Variants in NAV2 observed in about 807,000 individuals in gnomAD.
NAV2 encodes the protein helicase, APC down-regulated 1.
In NAV2, 54 loss-of-function variants were observed where a neutral mutation model predicts 223.2. The ratio of observed to expected loss-of-function variants is 0.24; its 90% CI spans 0.19 to 0.30. The LOEUF (loss-of-function observed/expected upper bound fraction) is 0.30. Among genes scored for constraint, NAV2 ranks in the 10% least tolerant of loss-of-function variants. The pLI is 1.00. For missense variants in NAV2, 2,806 were observed against 3,147.5 expected, an observed-to-expected ratio of 0.89 and a Z score of 2.60; for synonymous variants, 1,279 against 1,239.3, an observed-to-expected ratio of 1.03 and a Z score of -0.67.
At chr11:19,797,582 A>G (rs1473809391) in intron 1 of NAV2, among the ~76,000 whole-genome samples, 11 of 152,114 alleles carry the variant, frequency 7.2e-5, no homozygotes, top group Non-Finnish European at 1.5e-5. Flanking sequence ...CTGACCAGAG[A>G]TACTCTGGTC....
chr11:19,738,571 C>T (rs983820653), intron 1 of NAV2, among the ~76,000 whole-genome samples: 2 of 152,202 alleles, frequency 1.3e-5, no homozygotes, highest in Admixed American at 6.5e-5. Flanking sequence ...ACCCCGCCCC[C>T]AGTATCCTGA....
At chr11:19,596,372 G>A (rs1173374952) in intron 1 of NAV2, among the ~76,000 whole-genome samples, 1 of 152,240 alleles carries the variant, frequency 6.6e-6, no homozygotes, top group Non-Finnish European at 1.5e-5. Context: ...ATCTTGGGCT[G>A]TGACCTTCAA....
At chr11:19,552,560 G>A (rs1261633170) in intron 1 of NAV2, among the ~76,000 whole-genome samples, 1 of 152,064 alleles carries the variant, frequency 6.6e-6, no homozygotes, top group Non-Finnish European at 1.5e-5. Flanking sequence ...TCCCATTTGG[G>A]TCAAAGAACA....
rs1267324926 is a variant in NAV2 at position 20,120,423 on chromosome 11, CT to C, written c.*2166del. 6.6e-6 allele frequency: 1 copy of C among 152,580 alleles called. No individual in the cohort carries two copies. 9.5% of individuals were successfully genotyped at this position (152,580 alleles called of 1,614,324 possible). ...AGCCTGTGACCAGGGGGGCCAAACC[CT>C]AAGATTTCTGGTAAACCTGAAGGGT... On this transcript the variant is annotated 3_prime_UTR_variant, in exon 38 of 38. Transcript: ENST00000349880.
intron 1 of NAV2, among the ~76,000 whole-genome samples, chr11:19,654,721 G>T (rs182173427): frequency 9.9e-5 from 15 of 152,174 alleles, no homozygotes; most frequent in African/African-American, 3.6e-4. Context: ...CCTTCCTTAC[G>T]CCTTATACAA....
intron 1 of NAV2, among the ~76,000 whole-genome samples, chr11:19,795,775 A>T (rs2057837810): frequency 6.6e-6 from 1 of 152,242 alleles, no homozygotes; most frequent in African/African-American, 2.4e-5. Context: ...TGTCTCAGTG[A>T]CAGATCTGCC....
At position 20,121,366 on chromosome 11, in the gene NAV2, A is replaced by G. The variant is rs1315272051; in HGVS notation, c.*3108A>G. 6.6e-6 allele frequency: 1 copy of G among 152,614 alleles called. No individual in the cohort carries two copies. The highest frequency in any genetic ancestry group is 1.9e-4 in the East Asian group (1 of 5,198). The allele number at this position is 152,614 out of a possible 1,614,324, so 9.5% of individuals were successfully genotyped here. On this transcript the variant is annotated 3_prime_UTR_variant, in exon 38 of 38. Coordinates refer to ENST00000349880, the MANE Select transcript of NAV2 (RefSeq NM_145117.5). ...TGATGAATTTTTTCTAGCCATTTTT[A>G]AAGAGAAAACTAGGAATTGAGTATT...
At chr11:20,041,130 G>A (rs1436753963) in intron 12 of NAV2, among the ~76,000 whole-genome samples, 4 of 152,146 alleles carry the variant, frequency 2.6e-5, no homozygotes, top group African/African-American at 9.7e-5. Flanking sequence ...GAGCCTGCCA[G>A]TATGGAAGGA....
chr11:19,746,432 G>A (rs1389599660), intron 1 of NAV2, among the ~76,000 whole-genome samples: 1 of 152,094 alleles, frequency 6.6e-6, no homozygotes. Context: ...TTATTTTAAT[G>A]TAAGTAGAGC....
intron 19 of NAV2, among the ~76,000 whole-genome samples, chr11:20,061,058 A>G (rs973924129): frequency 6.6e-6 from 1 of 152,196 alleles, no homozygotes; most frequent in Non-Finnish European, 1.5e-5. Context: ...TTTAGACTAC[A>G]GGTCATAACT....
At chr11:20,038,824 A>G (rs2056645929) in intron 12 of NAV2, among the ~76,000 whole-genome samples, 1 of 152,202 alleles carries the variant, frequency 6.6e-6, no homozygotes, top group African/African-American at 2.4e-5. Context: ...GCTGTTTGAA[A>G]AGCCTCTGAG....
At chr11:19,911,459 T>C (rs1311282909) in intron 6 of NAV2, among the ~76,000 whole-genome samples, 1 of 152,150 alleles carries the variant, frequency 6.6e-6, no homozygotes, top group Non-Finnish European at 1.5e-5. Flanking sequence ...CTGAATGAAG[T>C]AGGCAAAATG....
intron 1 of NAV2, among the ~76,000 whole-genome samples, chr11:19,605,788 C>A (rs1201623445): frequency 6.6e-6 from 1 of 152,172 alleles, no homozygotes; most frequent in Non-Finnish European, 1.5e-5. Context: ...CATTTCTTTT[C>A]ATCAGATTTG....
At chr11:19,590,763 A>G (rs867541993) in intron 1 of NAV2, among the ~76,000 whole-genome samples, 3 of 152,166 alleles carry the variant, frequency 2.0e-5, no homozygotes, top group Non-Finnish European at 4.4e-5. Context: ...TTTTTTCTTT[A>G]AGTCAATACA....
intron 10 of NAV2, among the ~76,000 whole-genome samples, chr11:19,966,684 G>A (rs2048799564): frequency 6.6e-6 from 1 of 152,144 alleles, no homozygotes; most frequent in South Asian, 2.1e-4. Context: ...TCCTTCAAGA[G>A]TCTACTGCAG....
At chr11:19,633,774 C>T (rs1231548727) in intron 1 of NAV2, among the ~76,000 whole-genome samples, 1 of 152,210 alleles carries the variant, frequency 6.6e-6, no homozygotes, top group East Asian at 1.9e-4. Context: ...CTGGCTTCGG[C>T]CTTTGCTCCA....
At chr11:19,850,159 C>T (rs2061034472) in intron 3 of NAV2, among the ~76,000 whole-genome samples, 2 of 152,156 alleles carry the variant, frequency 1.3e-5, no homozygotes, top group Non-Finnish European at 2.9e-5. Context: ...TCCAGTCTGC[C>T]ACAGGACTGA....
At chr11:19,463,704 T>A (rs1852244268) in intron 1 of NAV2, among the ~76,000 whole-genome samples, 1 of 152,106 alleles carries the variant, frequency 6.6e-6, no homozygotes, top group East Asian at 1.9e-4. Flanking sequence ...TAGTTAATTA[T>A]GTTCAGAGGC....
At chr11:19,454,602 C>G (rs1373347249) in intron 1 of NAV2, among the ~76,000 whole-genome samples, 1 of 152,170 alleles carries the variant, frequency 6.6e-6, no homozygotes, top group Non-Finnish European at 1.5e-5. Flanking sequence ...TTTGCCAGCA[C>G]TGTGCTGAGC....
Sources: gnomAD v4.1 joint callset for allele counts (sites outside exome capture counted in the v4.1 genomes callset) on GRCh38, gnomAD v4.1.1 for gene constraint, MANE v1.5 for transcripts, NCBI Gene and HGNC (gene_info 2026-07-23, HGNC 2026-07-21) for gene names.